Variants in RORA observed in about 807,000 individuals in gnomAD.
RORA encodes RAR related orphan receptor A, also known as nuclear receptor ROR-alpha.
A neutral mutation model predicts 69.5 loss-of-function variants in RORA; 7 were observed. The observed-to-expected ratio is 0.10, with a 90% CI of 0.06 to 0.19. The LOEUF is 0.19. Among genes scored for constraint, RORA ranks in the 10% least tolerant of loss-of-function variants. The pLI is 1.00. For missense variants in RORA, 457 were observed against 663.0 expected (o/e 0.69, Z 3.41); for synonymous variants, 261 against 240.8 (o/e 1.08, Z -0.78).
At chr15:60,779,650 ACTT>A (rs1239252227) in intron 1 of RORA, among the ~76,000 whole-genome samples, 1 of 152,210 alleles carries the variant, frequency 6.6e-6, no homozygotes, top group Non-Finnish European at 1.5e-5. Context: ...AGTAATCCAC[ACTT>A]CTTCTACAAA....
chr15:60,542,935 T>C (rs1354069428), intron 2 of RORA, among the ~76,000 whole-genome samples: 2 of 149,674 alleles, frequency 1.3e-5, no homozygotes, highest in Admixed American at 6.7e-5. Context: ...CACACACACA[T>C]ACACTGCACA....
chr15:60,962,641 G>C (rs1893447647), intron 1 of RORA, among the ~76,000 whole-genome samples: 1 of 152,170 alleles, frequency 6.6e-6, no homozygotes, highest in Non-Finnish European at 1.5e-5. Flanking sequence ...CCATTTTAGA[G>C]ACCATAAAAT....
intron 1 of RORA, among the ~76,000 whole-genome samples, chr15:61,068,172 G>C (rs1168469241): frequency 6.6e-6 from 1 of 152,156 alleles, no homozygotes; most frequent in African/African-American, 2.4e-5. Flanking sequence ...CCATAGGTTT[G>C]GTTCATATGG....
In RORA at chr15:60,489,001, T is replaced by A. The variant is rs1567026119; in HGVS notation, c.*8454A>T. 6.6e-6 allele frequency: 1 copy of A among 152,204 alleles called. No homozygotes were observed. The highest frequency in any genetic ancestry group is 2.4e-5 in the African/African-American group (1 of 41,450). The allele number at this position is 152,204 out of a possible 1,614,324, so 9.4% of individuals were successfully genotyped here. ...AACGTTTTAATTGGGGCACACTTGT[T>A]ATCATTTAACAATTGTCAAATGCTG... On this transcript the variant is annotated 3_prime_UTR_variant, in exon 11 of 11. Coordinates refer to ENST00000335670, the MANE Select transcript of RORA (RefSeq NM_134261.3).
At position 60,531,781 on chromosome 15, in the gene RORA, T is replaced by G. The variant is rs2066533891; in HGVS notation, c.267A>C (p.Thr89=). ...AAAGGCTTACCTTGCAGCCTTCACATGTAATGACACCATAATGGATTCCTG... is the reference window on the plus strand; with the variant it reads ...AAAGGCTTACCTTGCAGCCTTCACAGGTAATGACACCATAATGGATTCCTG... ...KSSGIHYGVI[T]CEGCKGFFRR... is the part of the protein sequence containing the mutation. Residue 89 remains threonine, a synonymous_variant, in exon 3 of 11, where the codon ACA becomes ACC. Transcript: ENST00000335670. The surrounding 1 kb of genome is among the most constrained non-coding windows in gnomAD (Gnocchi z 4.8). 6.3e-7 allele frequency: 1 copy of G among 1,580,918 alleles called. No individual in the cohort carries two copies. Among genetic ancestry groups the G allele is most frequent in the South Asian group, 1.2e-5 (1 of 86,434 alleles).
At chr15:60,717,489 G>A (rs1199170331) in intron 1 of RORA, among the ~76,000 whole-genome samples, 1 of 152,206 alleles carries the variant, frequency 6.6e-6, no homozygotes, top group African/African-American at 2.4e-5. Flanking sequence ...CCTATAGCAT[G>A]TAATAAAAGT....
At chr15:60,845,981 G>A (rs777047100) in intron 1 of RORA, among the ~76,000 whole-genome samples, 5 of 152,256 alleles carry the variant, frequency 3.3e-5, no homozygotes, top group Non-Finnish European at 5.9e-5. Context: ...TCCTGACCTC[G>A]TGATCCGCTC....
chr15:60,661,527 T>C (rs1485367833), intron 2 of RORA, among the ~76,000 whole-genome samples: 1 of 152,204 alleles, frequency 6.6e-6, no homozygotes, highest in Non-Finnish European at 1.5e-5. Context: ...GTTGGGGATT[T>C]TCCCAGGTAG....
At chr15:61,203,685 G>A (rs1225441589) in intron 1 of RORA, among the ~76,000 whole-genome samples, 1 of 152,182 alleles carries the variant, frequency 6.6e-6, no homozygotes, top group Non-Finnish European at 1.5e-5. Context: ...AGGAAAACAT[G>A]AGTCTTCACA....
chr15:61,068,220 A>G (rs1043753139), intron 1 of RORA, among the ~76,000 whole-genome samples: 1 of 152,192 alleles, frequency 6.6e-6, no homozygotes, highest in Admixed American at 6.5e-5. Context: ...TTGGCCCATG[A>G]TGGCTTTGTA....
At chr15:60,828,145 G>C (rs1385650512) in intron 1 of RORA, among the ~76,000 whole-genome samples, 1 of 152,192 alleles carries the variant, frequency 6.6e-6, no homozygotes, top group African/African-American at 2.4e-5. Flanking sequence ...GCTGACACTT[G>C]AGGAGACAGC....
At position 60,514,766 on chromosome 15, in the gene RORA, T is replaced by C; in HGVS notation, c.283-9A>G. 2 of 1,612,736 alleles carry C rather than the reference T, an allele frequency of 1.2e-6. No individual in the cohort carries two copies. Among genetic ancestry groups the C allele is most frequent in the African/African-American group, 1.3e-5 (1 of 75,000 alleles). ...CTTCTCCTGAAAAAGCCCTGTGATA[T>C]GGTTATAAAATATAAAACAGGTTAG... On this transcript the variant is annotated splice_polypyrimidine_tract_variant and intron_variant, in intron 3 of 10. Coordinates refer to ENST00000335670, the MANE Select transcript of RORA (RefSeq NM_134261.3).
intron 1 of RORA, among the ~76,000 whole-genome samples, chr15:61,037,267 A>G (rs1896503248): frequency 6.6e-6 from 1 of 152,240 alleles, no homozygotes; most frequent in South Asian, 2.1e-4. Context: ...CAGTGGATTC[A>G]TCCCAAAGTG....
chr15:61,220,629 G>C (rs1438106048), intron 1 of RORA, among the ~76,000 whole-genome samples: 1 of 152,144 alleles, frequency 6.6e-6, no homozygotes, highest in African/African-American at 2.4e-5. Context: ...AATTGGAAGA[G>C]TCAATAAACA....
intron 1 of RORA, chr15:61,176,476 C>CT (rs1164815875): frequency 6.7e-6 from 1 of 150,294 alleles, no homozygotes; most frequent in Non-Finnish European, 1.5e-5. Context: ...GAAAATATTT[C>CT]TTTTTACTTT....
At chr15:60,973,866 T>C (rs1319058513) in intron 1 of RORA, among the ~76,000 whole-genome samples, 1 of 152,246 alleles carries the variant, frequency 6.6e-6, no homozygotes, top group Non-Finnish European at 1.5e-5. Context: ...GGCCCAGCCA[T>C]GGGGCTGCGG....
intron 1 of RORA, among the ~76,000 whole-genome samples, chr15:60,974,927 C>A (rs1893833737): frequency 6.6e-6 from 1 of 152,194 alleles, no homozygotes. Flanking sequence ...AAGGCTGGCA[C>A]ATCTGGGGAA....
chr15:61,190,013 A>T (rs186348153), intron 1 of RORA, among the ~76,000 whole-genome samples: 64 of 152,244 alleles, frequency 4.2e-4, no homozygotes, highest in African/African-American at 1.4e-3. Context: ...GAAATTTTGC[A>T]ATTTTTAATA....
chr15:60,499,037 A>T (rs1223613259), intron 10 of RORA, among the ~76,000 whole-genome samples: 1 of 152,244 alleles, frequency 6.6e-6, no homozygotes, highest in African/African-American at 2.4e-5. Context: ...AATTGACATT[A>T]TAATCATATT....
Sources: allele counts gnomAD v4.1 joint callset (sites outside exome capture counted in the v4.1 genomes callset), GRCh38; gene constraint gnomAD v4.1.1; non-coding constraint Gnocchi (gnomAD v3.1); transcripts MANE v1.5; gene names NCBI Gene and HGNC (gene_info 2026-07-23, HGNC 2026-07-21).